Variants in HERC1 observed in about 807,000 individuals in gnomAD.
HERC1 encodes the protein probable E3 ubiquitin-protein ligase HERC1.
A neutral mutation model predicts 554.3 loss-of-function variants in HERC1; 160 were observed. The ratio of observed to expected loss-of-function variants is 0.29; its 90% CI spans 0.25 to 0.33. The LOEUF (loss-of-function observed/expected upper bound fraction) is 0.33. Among genes scored for constraint, HERC1 ranks in the 10% least tolerant of loss-of-function variants. HERC1 has a pLI of 1.00. For missense variants in HERC1, 4,919 were observed against 5,918.5 expected, an observed-to-expected ratio of 0.83 and a Z score of 5.54; for synonymous variants, 2,175 against 2,131.7, an observed-to-expected ratio of 1.02 and a Z score of -0.56.
At position 63,677,899 on chromosome 15, in the gene HERC1, T is replaced by G. The variant is rs764726995; in HGVS notation, c.7016A>C (p.Lys2339Thr). 9.9e-6 allele frequency: 16 copies of G among 1,613,918 alleles called. No homozygotes were observed. The highest frequency in any genetic ancestry group is 1.2e-5 in the Non-Finnish European group (14 of 1,179,900). Residue 2339 changes from lysine (K) to threonine (T), a missense_variant, in exon 37 of 78, where the codon AAA (lysine) becomes ACA (threonine). By Grantham distance (78) the Lys-to-Thr change is moderately conservative. Coordinates refer to ENST00000443617, the MANE Select transcript of HERC1 (RefSeq NM_003922.4). This position sits in a 1 kb window ranked among gnomAD's most constrained non-coding sequence, Gnocchi z 4.4. Reference protein sequence around the residue: ...GRHATLLGVVKEGSTSAKVQW... With the variant: ...GRHATLLGVVTEGSTSAKVQW... ...GACCTTGGCAGACGTGCTGCCCTCT[T>G]TGACCACTCCCAGCAGCGTGGCATG...
chr15:63,669,794 C>T, intron 39 of HERC1, 96 bp from the exon 40 acceptor site: 1 of 1,117,864 alleles, frequency 8.9e-7, no homozygotes, highest in East Asian at 2.4e-5. Flanking sequence ...ACCTGGAAGA[C>T]TAAACAGGTT....
rs560185131 is a variant in HERC1 at position 63,646,886 on chromosome 15, C to A, written c.10878+1183G>T. ...CAACTATCTGGTAAAGATGCTTTTA[C>A]CAGAATATATACAAATAGCCAACAG... On this transcript the variant is annotated intron_variant, in intron 55 of 77. Coordinates refer to ENST00000443617, the MANE Select transcript of HERC1 (RefSeq NM_003922.4). Among the ~76,000 whole-genome samples, 28 of 152,052 alleles carry A rather than the reference C, an allele frequency of 1.8e-4. No homozygotes were observed. The East Asian group carries it at 5.0e-3, about 27-fold the overall frequency.
At chr15:63,610,420 C>T (rs2067533987) in intron 77 of HERC1, among the ~76,000 whole-genome samples, 1 of 152,212 alleles carries the variant, frequency 6.6e-6, no homozygotes, top group South Asian at 2.1e-4. Flanking sequence ...CTGATGCTGA[C>T]AACCCTGAGA....
chr15:63,639,451 C>T (rs944367001), intron 61 of HERC1, among the ~76,000 whole-genome samples: 1 of 152,120 alleles, frequency 6.6e-6, no homozygotes, highest in Non-Finnish European at 1.5e-5. Context: ...GTACTATACA[C>T]TCTATGATAT....
At chr15:63,779,265 C>T (rs2076208361) in intron 1 of HERC1, among the ~76,000 whole-genome samples, 1 of 152,016 alleles carries the variant, frequency 6.6e-6, no homozygotes. Context: ...ATACAAGGTA[C>T]TTGAGAAAAT....
At chr15:63,693,474 G>A (rs2072238608) in intron 30 of HERC1, among the ~76,000 whole-genome samples, 4 of 151,996 alleles carry the variant, frequency 2.6e-5, no homozygotes, top group East Asian at 1.9e-4. Context: ...GAACTCCTGG[G>A]CTCAAGCAAT....
chr15:63,661,732 A>G (rs781232074), intron 45 of HERC1, 21 bp downstream of exon 45: 2 of 1,612,264 alleles, frequency 1.2e-6, no homozygotes, highest in Non-Finnish European at 1.7e-6. Flanking sequence ...AGGTCTGGAT[A>G]TCTACACAAT....
At chr15:63,610,328 C>T (rs1031449891) in intron 77 of HERC1, among the ~76,000 whole-genome samples, 7 of 152,128 alleles carry the variant, frequency 4.6e-5, no homozygotes, top group African/African-American at 1.7e-4. Context: ...GGAGGTGCCA[C>T]TAGGTGGCTC....
At chr15:63,814,577 C>T (rs1057353923) in intron 1 of HERC1, among the ~76,000 whole-genome samples, 2 of 152,288 alleles carry the variant, frequency 1.3e-5, no homozygotes, top group East Asian at 3.9e-4. Context: ...ATACCTTAGC[C>T]ACCCGAGTAG....
intron 65 of HERC1, among the ~76,000 whole-genome samples, chr15:63,635,131 C>A (rs1409679327): frequency 6.6e-6 from 1 of 151,774 alleles, no homozygotes; most frequent in African/African-American, 2.4e-5. Context: ...CACTGCAGCC[C>A]CAAACTCCTG....
At chr15:63,764,005 C>A (rs2142399871) in intron 3 of HERC1, 91 bp downstream of exon 3, 2 of 538,830 alleles carry the variant, frequency 3.7e-6, no homozygotes, top group Non-Finnish European at 5.4e-6. Flanking sequence ...TGTAGCTTTT[C>A]CAGAGAAAAT....
intron 22 of HERC1, among the ~76,000 whole-genome samples, chr15:63,715,370 A>AGG (rs780793942): frequency 1.2e-4 from 18 of 152,258 alleles, no homozygotes; most frequent in Non-Finnish European, 2.2e-4. Flanking sequence ...GTCTGCTTCC[A>AGG]GGAATTTCTA....
Position 63,694,670 on chromosome 15 carries a change from GT to G in HERC1, c.5242+103del. The G allele has an allele frequency of 1.3e-6, 2 of 1,498,512 alleles. No homozygotes were observed. The highest frequency in any genetic ancestry group is 1.9e-6 in the Non-Finnish European group (2 of 1,077,546). The allele number at this position is 1,498,512 out of a possible 1,614,324, so 92.8% of individuals were successfully genotyped here. ...TAAATTATTTATTCTTTACCTATAA[GT>G]TTATCTACTAATGTTAAACACAAAA... On this transcript the variant is annotated intron_variant, in intron 28 of 77. Coordinates refer to ENST00000443617, the MANE Select transcript of HERC1 (RefSeq NM_003922.4). The surrounding 1 kb of genome is among the most constrained non-coding windows in gnomAD (Gnocchi z 4.3).
intron 75 of HERC1, 125 bp from the exon 76 acceptor site, chr15:63,616,045 A>G: frequency 3.7e-6 from 3 of 810,618 alleles, no homozygotes; most frequent in Non-Finnish European, 3.9e-6. Context: ...AAGGAACACA[A>G]AACAGGTAGG....
chr15:63,755,525 T>C (rs1033504496), intron 5 of HERC1, among the ~76,000 whole-genome samples, 200 bp from the exon 6 acceptor site: 1 of 152,206 alleles, frequency 6.6e-6, no homozygotes, highest in African/African-American at 2.4e-5. Context: ...ATGCCTGTAA[T>C]CCCAGCACTT....
At chr15:63,828,691 T>C (rs558992615) in intron 1 of HERC1, among the ~76,000 whole-genome samples, 7 of 151,820 alleles carry the variant, frequency 4.6e-5, no homozygotes, top group African/African-American at 1.7e-4. Context: ...TTAGTAACTA[T>C]AATGTTTCAT....
chr15:63,783,921 C>T (rs1357389410), intron 1 of HERC1, among the ~76,000 whole-genome samples: 1 of 152,040 alleles, frequency 6.6e-6, no homozygotes, highest in East Asian at 1.9e-4. Flanking sequence ...CAAAAATTAG[C>T]TGGGCATGGT....
rs2068839059 is a variant in HERC1 at position 63,637,624 on chromosome 15, C to G, written c.12113G>C (p.Cys4038Ser). Residue 4038 changes from cysteine (C) to serine (S), a missense_variant, in exon 64 of 78, where the codon TGT becomes TCT. Around this residue, in one of 11 missense-constraint regions of HERC1, gnomAD observed 122 missense variants for 195.2 expected, o/e 0.63. Coordinates refer to ENST00000443617, the MANE Select transcript of HERC1 (RefSeq NM_003922.4). ...GCCATTGGCCTGGATGACAAAGGTA[C>G]AATTCTGACCACAAATGACCTAGTA... is the stretch of plus-strand genomic sequence containing the variant. Reference protein sequence around the residue: ...QAQQVICGQNCTFVIQANGTV... With the variant: ...QAQQVICGQNSTFVIQANGTV... 6.4e-7 allele frequency: 1 copy of G among 1,551,222 alleles called. No homozygotes were observed. Among genetic ancestry groups the G allele is most frequent in the Admixed American group, 2.0e-5 (1 of 50,854 alleles).
chr15:63,780,440 G>C (rs1271300945), intron 1 of HERC1: 1 of 152,188 alleles, frequency 6.6e-6, no homozygotes, highest in Non-Finnish European at 1.5e-5. Flanking sequence ...TAAAACAGAA[G>C]GCCGGGCGCG....
Sources: allele counts gnomAD v4.1 joint callset (sites outside exome capture counted in the v4.1 genomes callset), GRCh38; gene constraint gnomAD v4.1.1; regional missense constraint gnomAD v4.1.1; non-coding constraint Gnocchi (gnomAD v3.1); transcripts MANE v1.5; gene names NCBI Gene and HGNC (gene_info 2026-07-23, HGNC 2026-07-21).